KIAA1549: variants seen among roughly 807,000 people sequenced by gnomAD.
KIAA1549 encodes UPF0606 protein KIAA1549.
Under a neutral mutation model 156.4 loss-of-function variants are expected in KIAA1549, and 70 were observed. The ratio of observed to expected loss-of-function variants is 0.45; its 90% confidence interval spans 0.37 to 0.55. The LOEUF (loss-of-function observed/expected upper bound fraction) is 0.55. KIAA1549 is among the 20% of genes least tolerant of loss of function. The pLI, the probability that KIAA1549 is intolerant of heterozygous loss-of-function variation, is 0.00. For synonymous variants in KIAA1549, 1,103 were observed against 1,066.4 expected (o/e 1.03, Z -0.67); for missense variants, 2,428 against 2,540.9 (o/e 0.96, Z 0.96).
chr7:138,969,860 C>T (rs976906197), intron 1 of KIAA1549, among the ~76,000 whole-genome samples: 4 of 152,104 alleles, frequency 2.6e-5, no homozygotes, highest in Admixed American at 6.6e-5. Context: ...CCCAAAGGGC[C>T]GGCCACTGTG....
chr7:138,884,469 G>A (rs1168097531), intron 10 of KIAA1549, among the ~76,000 whole-genome samples: 2 of 152,028 alleles, frequency 1.3e-5, no homozygotes, highest in African/African-American at 2.4e-5. Flanking sequence ...AGGCAAAACT[G>A]ACCAGCATTA....
rs746522658 is a variant in KIAA1549 at position 138,869,625 on chromosome 7, C to T, written c.4688G>A (p.Arg1563Gln). The change falls in exon 14 of 20, where the codon CGG (arginine) becomes CAG (glutamine). Residue 1563 changes from arginine (R) to glutamine (Q), a missense_variant. Transcript: ENST00000422774. ...LSSGDTKERH[R>Q]VYRRAQMQID... ...CTGCATCTGTGCCCTGCGGTACACCCGGTGTCGCTCCTTAGTGTCGCCCGA... is the reference window on the plus strand; with the variant it reads ...CTGCATCTGTGCCCTGCGGTACACCTGGTGTCGCTCCTTAGTGTCGCCCGA... The T allele has an allele frequency of 2.5e-5, 41 of 1,608,076 alleles. No homozygotes were observed. Among genetic ancestry groups the T allele is most frequent in the Admixed American group, 3.4e-5 (2 of 59,446 alleles).
intron 2 of KIAA1549, among the ~76,000 whole-genome samples, chr7:138,916,079 T>G (rs147121411): frequency 6.6e-6 from 1 of 152,262 alleles, no homozygotes; most frequent in African/African-American, 2.4e-5. Flanking sequence ...CTACTTTTCT[T>G]TCCTCGGGAC....
chr7:138,974,068 T>A (rs1285716545), intron 1 of KIAA1549, among the ~76,000 whole-genome samples: 1 of 152,248 alleles, frequency 6.6e-6, no homozygotes, highest in Non-Finnish European at 1.5e-5. Flanking sequence ...GGAGCTATTC[T>A]AATTTTACAG....
At chr7:138,947,054 G>T (rs956347462) in intron 1 of KIAA1549, among the ~76,000 whole-genome samples, 4 of 151,610 alleles carry the variant, frequency 2.6e-5, no homozygotes, top group Non-Finnish European at 5.9e-5. Flanking sequence ...CTACTTCCAC[G>T]TTCTCACCAA....
chr7:138,916,613 G>A (rs1327356963), intron 2 of KIAA1549, 135 bp downstream of exon 2: 2 of 1,381,848 alleles, frequency 1.4e-6, no homozygotes, highest in East Asian at 2.5e-5. Context: ...GGTAAGCATA[G>A]GAGTACTACC....
At position 138,917,465 on chromosome 7, in the gene KIAA1549, T is replaced by C. The variant is rs570062746; in HGVS notation, c.2161A>G (p.Ser721Gly). ...PSRSEVSPWS[S>G]FPSDSLEFVE... ...AACTCGAGAGAATCAGAAGGGAAGC[T>C]TGACCATGGTGACACCTCAGAACGG... The change falls in exon 2 of 20, where the codon AGC becomes GGC. Residue 721 changes from serine (S) to glycine (G), a missense_variant. Coordinates refer to ENST00000422774, the MANE Select transcript of KIAA1549 (RefSeq NM_001164665.2). The C allele has an allele frequency of 1.2e-6, 2 of 1,613,928 alleles. No homozygotes were observed. The highest frequency in any genetic ancestry group is 1.3e-5 in the African/African-American group (1 of 75,054).
intron 10 of KIAA1549, among the ~76,000 whole-genome samples, chr7:138,891,888 C>T (rs1449011423): frequency 6.6e-6 from 1 of 152,132 alleles, no homozygotes; most frequent in African/African-American, 2.4e-5. Flanking sequence ...TTAAAAGAAA[C>T]ACGTATGAAC....
intron 18 of KIAA1549, among the ~76,000 whole-genome samples, chr7:138,842,456 G>A (rs1563045064): frequency 1.3e-5 from 2 of 152,208 alleles, no homozygotes; most frequent in Non-Finnish European, 2.9e-5. Context: ...GGAGGCTGAG[G>A]CGGGCGGATC....
At position 138,917,454 on chromosome 7, in the gene KIAA1549, A is replaced by G; in HGVS notation, c.2172T>C (p.Ser724=). 1.2e-6 allele frequency: 2 copies of G among 1,613,990 alleles called. No homozygotes were observed. The highest frequency in any genetic ancestry group is 1.7e-6 in the Non-Finnish European group (2 of 1,179,888). The change falls in exon 2 of 20, where the codon TCT becomes TCC. Residue 724 remains serine, a synonymous_variant. Transcript: ENST00000422774. ...ACGCTTCAACAAACTCGAGAGAATC[A>G]GAAGGGAAGCTTGACCATGGTGACA... is the stretch of plus-strand genomic sequence containing the variant. ...SEVSPWSSFP[S]DSLEFVEAST... is the part of the protein sequence containing the mutation.
intron 4 of KIAA1549, 80 bp downstream of exon 4, chr7:138,911,066 T>C: frequency 1.9e-6 from 2 of 1,042,370 alleles, no homozygotes; most frequent in East Asian, 2.7e-5. Context: ...ATTCTAAAAA[T>C]GATTTCCAAT....
intron 1 of KIAA1549, among the ~76,000 whole-genome samples, chr7:138,951,342 C>T (rs1813493409): frequency 6.6e-6 from 1 of 152,166 alleles, no homozygotes; most frequent in Non-Finnish European, 1.5e-5. Context: ...TTAGATCTCT[C>T]TCACCTTCAA....
chr7:138,919,914 G>A (rs752644211), intron 1 of KIAA1549, among the ~76,000 whole-genome samples: 27 of 152,088 alleles, frequency 1.8e-4, no homozygotes, highest in Non-Finnish European at 2.8e-4. Flanking sequence ...TGGCTGCTAC[G>A]AGAAATGAAC....
chr7:138,964,501 G>A lies in KIAA1549; in HGVS notation c.187+16582C>T, dbSNP rs528496501. On this transcript the variant is annotated intron_variant, in intron 1 of 19. Transcript: ENST00000422774. ...CGGATTAAACAAGAGACACTGTGCC[G>A]TCTCCTCACACAATGTTTGGCACAC... Among the ~76,000 whole-genome samples the A allele has an allele frequency of 6.6e-5, 10 of 152,266 alleles. No individual in the cohort carries two copies. The South Asian group carries it at 1.2e-3, about 19-fold the overall frequency.
chr7:138,840,637 CA>C (rs1276033705), intron 18 of KIAA1549, among the ~76,000 whole-genome samples: 1 of 152,164 alleles, frequency 6.6e-6, no homozygotes, highest in Non-Finnish European at 1.5e-5. Flanking sequence ...GTCTGTCCCC[CA>C]TTTCGCCCTC....
At chr7:138,949,601 A>T (rs1813435625) in intron 1 of KIAA1549, among the ~76,000 whole-genome samples, 1 of 152,168 alleles carries the variant, frequency 6.6e-6, no homozygotes, top group African/African-American at 2.4e-5. Context: ...CACCTAAACC[A>T]GTATTCAAGC....
At chr7:138,849,397 C>G (rs1810171915) in intron 17 of KIAA1549, among the ~76,000 whole-genome samples, 1 of 152,044 alleles carries the variant, frequency 6.6e-6, no homozygotes, top group Non-Finnish European at 1.5e-5. Flanking sequence ...AAAACTTCCC[C>G]CCTAAACACT....
At chr7:138,865,146 T>C (rs1325067640) in intron 15 of KIAA1549, among the ~76,000 whole-genome samples, 1 of 152,082 alleles carries the variant, frequency 6.6e-6, no homozygotes, top group Non-Finnish European at 1.5e-5. Context: ...GAGGATCACC[T>C]GAGCTTGGGG....
intron 1 of KIAA1549, among the ~76,000 whole-genome samples, chr7:138,960,375 T>A (rs1813805099): frequency 7.2e-6 from 1 of 139,086 alleles, no homozygotes; most frequent in Non-Finnish European, 1.5e-5. Flanking sequence ...AGTGGCACTA[T>A]CTCGGCTCAC....
Sources: gnomAD v4.1 joint callset for allele counts (sites outside exome capture counted in the v4.1 genomes callset) on GRCh38, gnomAD v4.1.1 for gene constraint, MANE v1.5 for transcripts, NCBI Gene and HGNC (gene_info 2026-07-23, HGNC 2026-07-21) for gene names.